Variants in HSPA12A observed in about 807,000 individuals in gnomAD.
HSPA12A encodes the protein heat shock protein family A (Hsp70) member 12A.
Under a neutral mutation model 69.2 loss-of-function variants are expected in HSPA12A, and 28 were observed. The ratio of observed to expected loss-of-function variants is 0.40; its 90% CI spans 0.30 to 0.55. The LOEUF is 0.55. HSPA12A is among the 20% of genes least tolerant of loss of function. The pLI is 0.38. For missense variants in HSPA12A, 686 were observed against 900.7 expected, an observed-to-expected ratio of 0.76 and a Z score of 3.05; for synonymous variants, 345 against 370.5, an observed-to-expected ratio of 0.93 and a Z score of 0.79.
intron 1 of HSPA12A, among the ~76,000 whole-genome samples, chr10:116,740,456 G>C (rs1485704334): frequency 6.6e-6 from 1 of 152,164 alleles, no homozygotes; most frequent in African/African-American, 2.4e-5. Flanking sequence ...GGGACAGCCC[G>C]CTCTTCAGGT....
At chr10:116,750,081 T>C (rs1851739481) in intron 2 of HSPA12A, 2 of 392,400 alleles carry the variant, frequency 5.1e-6, no homozygotes, top group Non-Finnish European at 9.4e-6. Flanking sequence ...ACAGAGAGTG[T>C]TTGTCACATT....
chr10:116,723,868 G>A lies in HSPA12A; in HGVS notation c.41-16583C>T, dbSNP rs1193654556. Among the ~76,000 whole-genome samples, 3 of 152,142 alleles carry A rather than the reference G, an allele frequency of 2.0e-5. No individual in the cohort carries two copies. Among genetic ancestry groups the A allele is most frequent in the Non-Finnish European group, 4.4e-5 (3 of 68,028 alleles). On this transcript the variant is annotated intron_variant, in intron 1 of 11. Coordinates refer to ENST00000369209, the MANE Select transcript of HSPA12A (RefSeq NM_025015.3). This position sits in a 1 kb window ranked among gnomAD's most constrained non-coding sequence, Gnocchi z 4.1. ...TGCTTCCAGGCCCATCTACCATCTT[G>A]CCCGATGCCCACCTGAGGGCCCCTG...
chr10:116,696,696 GAAA>G (rs1452426132), intron 5 of HSPA12A, among the ~76,000 whole-genome samples: 2 of 152,098 alleles, frequency 1.3e-5, no homozygotes, highest in African/African-American at 4.8e-5. Context: ...CATTAACCAA[GAAA>G]AAGTTCCTTG....
intron 1 of HSPA12A, among the ~76,000 whole-genome samples, chr10:116,724,008 C>T (rs563221562): frequency 3.3e-5 from 5 of 152,334 alleles, no homozygotes; most frequent in Admixed American, 2.0e-4. Context: ...CAGCACTGGC[C>T]GGAACTTTAG....
chr10:116,797,169 T>C (rs976919801), intron 2 of HSPA12A, among the ~76,000 whole-genome samples: 4 of 152,176 alleles, frequency 2.6e-5, no homozygotes, highest in African/African-American at 9.7e-5. Context: ...CCTGAGTTCC[T>C]TGTCATTTGC....
Position 116,683,897 on chromosome 10 carries a change from A to G in HSPA12A, c.729T>C (p.Ser243=). Residue 243 remains serine (S), a synonymous_variant, in exon 7 of 12, where the codon TCT becomes TCC. Transcript: ENST00000369209. ...GTAGCCGCAGCTTTCGGCAGTAGAT[A>G]GAGGCTGCCTCAGGCTCCAAGGCAA... is the stretch of plus-strand genomic sequence containing the variant. ...LIIALEPEAA[S]IYCRKLRLHQ... 1 of 1,596,524 alleles carries G rather than the reference A, an allele frequency of 6.3e-7. No homozygotes were observed. The highest frequency in any genetic ancestry group is 1.1e-5 in the South Asian group (1 of 89,932).
chr10:116,802,269 C>A (rs148027813), intron 2 of HSPA12A, among the ~76,000 whole-genome samples: 3 of 152,266 alleles, frequency 2.0e-5, no homozygotes, highest in African/African-American at 4.8e-5. Flanking sequence ...TGCCCAGGCC[C>A]GTGGACTCCT....
intron 2 of HSPA12A, among the ~76,000 whole-genome samples, chr10:116,759,219 C>T (rs1843918674): frequency 6.6e-6 from 1 of 152,164 alleles, no homozygotes; most frequent in Non-Finnish European, 1.5e-5. Context: ...AATCAAAAGT[C>T]CTAACTCAAT....
At chr10:116,839,842 G>A (rs1845776930) in intron 1 of HSPA12A, among the ~76,000 whole-genome samples, 1 of 151,900 alleles carries the variant, frequency 6.6e-6, no homozygotes, top group Non-Finnish European at 1.5e-5. Flanking sequence ...AACCCCAGAG[G>A]GTACAGACGT....
upstream of HSPA12A, among the ~76,000 whole-genome samples, chr10:116,743,727 T>A (rs782176376): frequency 1.3e-5 from 2 of 150,906 alleles, no homozygotes; most frequent in African/African-American, 5.0e-5. Context: ...GATGACGGAA[T>A]GGGCAGAGAG....
At chr10:116,848,623 A>G (rs1488282169) in intron 1 of HSPA12A, among the ~76,000 whole-genome samples, 3 of 152,222 alleles carry the variant, frequency 2.0e-5, no homozygotes, top group African/African-American at 4.8e-5. Context: ...TCTAGAACTG[A>G]GGACGCACAC....
chr10:116,784,578 G>A (rs1554892135), intron 2 of HSPA12A, among the ~76,000 whole-genome samples: 1 of 152,236 alleles, frequency 6.6e-6, no homozygotes, highest in Non-Finnish European at 1.5e-5. Flanking sequence ...ATGGATGAGT[G>A]CAGGAATGAG....
At chr10:116,700,754 C>T (rs1389261311) in intron 4 of HSPA12A, among the ~76,000 whole-genome samples, 189 bp downstream of exon 4, 1 of 152,124 alleles carries the variant, frequency 6.6e-6, no homozygotes, top group Non-Finnish European at 1.5e-5. Context: ...TGGAAAGCAT[C>T]GCATATTCCA....
At chr10:116,807,474 C>A (rs1845091446) in intron 2 of HSPA12A, among the ~76,000 whole-genome samples, 2 of 152,128 alleles carry the variant, frequency 1.3e-5, no homozygotes, top group Non-Finnish European at 2.9e-5. Flanking sequence ...CTCGAGTTAA[C>A]TGGATTGAGT....
chr10:116,786,445 G>GA (rs1313756924), intron 2 of HSPA12A, among the ~76,000 whole-genome samples: 3 of 76,574 alleles, frequency 3.9e-5, no homozygotes, highest in Admixed American at 2.8e-4. Context: ...GAAAAAAAAA[G>GA]AAAAAAAAGA....
In HSPA12A at chr10:116,849,718, T is replaced by C; in HGVS notation, c.-150A>G. 6.6e-7 allele frequency: 1 copy of C among 1,522,678 alleles called. No homozygotes were observed. Among genetic ancestry groups the C allele is most frequent in the Non-Finnish European group, 8.8e-7 (1 of 1,132,700 alleles). 94.3% of individuals were successfully genotyped at this position (1,522,678 alleles called of 1,614,324 possible). On this transcript the variant is annotated 5_prime_UTR_variant, in exon 1 of 13. Transcript: ENST00000635765. The stretch of plus-strand genomic sequence containing the variant: ...ACCTTCTACCTCCAGCCTGCCGACG[T>C]CTACGGGCACCTGGTAGGGACCTGG...
At chr10:116,709,519 G>A (rs1443996663) in intron 1 of HSPA12A, among the ~76,000 whole-genome samples, 1 of 151,206 alleles carries the variant, frequency 6.6e-6, no homozygotes, top group African/African-American at 2.4e-5. Context: ...GTATTTCATT[G>A]TAAAAAGGAA....
At chr10:116,771,746 C>T (rs1247702424) in intron 2 of HSPA12A, among the ~76,000 whole-genome samples, 2 of 152,152 alleles carry the variant, frequency 1.3e-5, no homozygotes, top group East Asian at 3.9e-4. Flanking sequence ...ACAAGGGGCG[C>T]TTGCTTGTCA....
At chr10:116,820,990 C>T (rs1240924657) in intron 2 of HSPA12A, among the ~76,000 whole-genome samples, 2 of 152,082 alleles carry the variant, frequency 1.3e-5, no homozygotes, top group African/African-American at 2.4e-5. Flanking sequence ...AATCCTATGG[C>T]CTCCCCCTGC....
Sources: allele counts gnomAD v4.1 joint callset (sites outside exome capture counted in the v4.1 genomes callset), GRCh38; gene constraint gnomAD v4.1.1; non-coding constraint Gnocchi (gnomAD v3.1); transcripts MANE v1.5; gene names NCBI Gene and HGNC (gene_info 2026-07-23, HGNC 2026-07-21).